ARRB1: variants seen among roughly 807,000 people sequenced by gnomAD.
The protein encoded by ARRB1 is beta-arrestin-1.
In ARRB1, 21 loss-of-function variants were observed where a neutral mutation model predicts 56.8. The observed-to-expected ratio is 0.37, with a 90% CI of 0.26 to 0.53. The LOEUF is 0.53. Among genes scored for constraint, ARRB1 ranks in the 20% least tolerant of loss-of-function variants. The pLI is 0.88. For missense variants in ARRB1, 424 were observed against 553.7 expected (o/e 0.77, Z 2.35); for synonymous variants, 210 against 218.6 (o/e 0.96, Z 0.35).
chr11:75,296,266 T>TA (rs1946748505), intron 1 of ARRB1, among the ~76,000 whole-genome samples: 1 of 151,648 alleles, frequency 6.6e-6, no homozygotes, highest in Non-Finnish European at 1.5e-5. Context: ...AATTACAATG[T>TA]AAAATGAATT....
At chr11:75,277,475 T>G (rs2140414990) in intron 8 of ARRB1, 27 bp from the exon 9 acceptor site, 79 of 1,601,404 alleles carry the variant, frequency 4.9e-5, no homozygotes, top group Middle Eastern at 1.7e-4. Flanking sequence ...GGGACGGGGT[T>G]GGCTGGGAGG....
In ARRB1 at chr11:75,283,353, G is replaced by A. The variant is rs758930690; in HGVS notation, c.288C>T (p.Pro96=). 7 of 1,614,168 alleles carry A rather than the reference G, an allele frequency of 4.3e-6. No individual in the cohort carries two copies. The South Asian group carries it at 7.7e-5, about 18-fold the overall frequency. The change falls in exon 5 of 16, where the codon CCC becomes CCT. Residue 96 remains proline (P), a synonymous_variant. Coordinates refer to ENST00000420843, the MANE Select transcript of ARRB1 (RefSeq NM_004041.5). ...SFPPAPEDKK[P]LTRLQERLIK... is the part of the protein sequence containing the mutation. The stretch of plus-strand genomic sequence containing the variant: ...TGAGGCGTTCCTGCAGCCGCGTCAG[G>A]GGCTTCTTGTCCTCGGGGGCCGGTG...
At position 75,264,757 on chromosome 11, in the gene ARRB1, C is replaced by A. The variant is rs1351029648; in HGVS notation, c.*1406G>T. On this transcript the variant is annotated 3_prime_UTR_variant, in exon 16 of 16. Coordinates refer to ENST00000420843, the MANE Select transcript of ARRB1 (RefSeq NM_004041.5). ...CCATTGTGATCATCTGGTCAAACTC[C>A]TTGCTTTCCCAAGTGAGAAACTGAG... 1 of 152,244 alleles carries A rather than the reference C, an allele frequency of 6.6e-6. No homozygotes were observed. Among genetic ancestry groups the A allele is most frequent in the Non-Finnish European group, 1.5e-5 (1 of 68,052 alleles). 9.4% of individuals were successfully genotyped at this position (152,244 alleles called of 1,614,324 possible).
intron 1 of ARRB1, among the ~76,000 whole-genome samples, chr11:75,297,900 G>A (rs374250082): frequency 0.011 from 1,148 of 102,306 alleles, 19 homozygotes; most frequent in African/African-American, 0.039. Context: ...AAATTAAATG[G>A]ACCAAAGACC....
intron 1 of ARRB1, among the ~76,000 whole-genome samples, chr11:75,302,238 A>C (rs923374171): frequency 9.2e-5 from 14 of 152,106 alleles, no homozygotes; most frequent in African/African-American, 3.4e-4. Flanking sequence ...TGGGCTGCAG[A>C]CTTCCCACAG....
At chr11:75,324,254 G>A (rs994964023) in intron 1 of ARRB1, among the ~76,000 whole-genome samples, 7 of 152,226 alleles carry the variant, frequency 4.6e-5, no homozygotes, top group African/African-American at 1.7e-4. Flanking sequence ...GGGGAACATA[G>A]CACCAGCATC....
chr11:75,325,575 A>G (rs1947417284), intron 1 of ARRB1, among the ~76,000 whole-genome samples: 1 of 152,210 alleles, frequency 6.6e-6, no homozygotes, highest in African/African-American at 2.4e-5. Context: ...TACCTGCCTC[A>G]GCCTCCCAAA....
chr11:75,293,677 G>A (rs997673054), intron 1 of ARRB1, among the ~76,000 whole-genome samples: 5 of 152,164 alleles, frequency 3.3e-5, no homozygotes, highest in Non-Finnish European at 7.3e-5. Flanking sequence ...AGGCTCAGTG[G>A]AGACAAGGAA....
chr11:75,306,425 C>T (rs1055558590), intron 1 of ARRB1: 5 of 490,578 alleles, frequency 1.0e-5, no homozygotes, highest in African/African-American at 7.9e-5. Context: ...TTCTCCATCC[C>T]CACCTATGCC....
chr11:75,284,495 C>CT lies in ARRB1; in HGVS notation c.113-217dup, dbSNP rs34004448. ...CCAGTATAACAGACCCAGCTGGTGA[C>CT]TTTAGGCAGGTTAGAGACCATTTCT... On this transcript the variant is annotated intron_variant, in intron 3 of 15. Transcript: ENST00000420843. Among the ~76,000 whole-genome samples, 684 of 152,306 alleles carry CT rather than the reference C, an allele frequency of 4.5e-3. 7 individuals carry two copies. The highest frequency in any genetic ancestry group is 0.016 in the African/African-American group (651 of 41,562).
intron 1 of ARRB1, among the ~76,000 whole-genome samples, chr11:75,294,845 AAGTGCT>A (rs1433140495): frequency 5.3e-5 from 8 of 152,122 alleles, no homozygotes; most frequent in Non-Finnish European, 5.9e-5. Context: ...AGGTAGATTT[AAGTGCT>A]GGTGCTTGAT....
At chr11:75,277,230 C>T in intron 9 of ARRB1, 134 bp downstream of exon 9, 1 of 952,772 alleles carries the variant, frequency 1.0e-6, no homozygotes, top group South Asian at 1.5e-5. Flanking sequence ...TGCCCTGTGG[C>T]TCAGAGCAGG....
In ARRB1 at chr11:75,292,886, G is replaced by A. The variant is rs149102158; in HGVS notation, c.21-2847C>T. On this transcript the variant is annotated intron_variant, in intron 1 of 15. Coordinates refer to ENST00000420843, the MANE Select transcript of ARRB1 (RefSeq NM_004041.5). ...TAATTAGCTCAAGGCTCAGAGAGAC[G>A]CAGTAATTTCCCCAAGAACACACAG... 3.2e-3 allele frequency among the ~76,000 whole-genome samples: 492 copies of A among 152,224 alleles called. 8 individuals are homozygous for A. Among genetic ancestry groups the A allele is most frequent in the African/African-American group, 0.012 (479 of 41,478 alleles).
Position 75,344,936 on chromosome 11 carries a change from G to A in ARRB1, c.20+6652C>T, listed in dbSNP as rs984031859. On this transcript the variant is annotated intron_variant, in intron 1 of 15. Coordinates refer to ENST00000420843, the MANE Select transcript of ARRB1 (RefSeq NM_004041.5). Reference sequence around the variant, plus strand: ...TCCTGCCTCATCCAGGCCCATACACGGGCTGTTGAACCACTGAATGGTTCA... The same window carrying A: ...TCCTGCCTCATCCAGGCCCATACACAGGCTGTTGAACCACTGAATGGTTCA... Among the ~76,000 whole-genome samples, 9 of 152,256 alleles carry A rather than the reference G, an allele frequency of 5.9e-5. No homozygotes were observed. The South Asian group carries it at 6.2e-4, about 11-fold the overall frequency.
In ARRB1 at chr11:75,294,499, G is replaced by GT. The variant is rs1946680693; in HGVS notation, c.21-4461dup. 2.6e-5 allele frequency among the ~76,000 whole-genome samples: 4 copies of GT among 152,062 alleles called. No homozygotes were observed. The South Asian group carries it at 8.3e-4, about 32-fold the overall frequency. On this transcript the variant is annotated intron_variant, in intron 1 of 15. Coordinates refer to ENST00000420843, the MANE Select transcript of ARRB1 (RefSeq NM_004041.5). ...TTCAACCAGGGAGGCGGAAGTTGCA[G>GT]TGAGCTGAGATCATGTGACTTCACT...
intron 1 of ARRB1, among the ~76,000 whole-genome samples, chr11:75,327,346 T>G (rs1947454943): frequency 6.6e-6 from 1 of 151,538 alleles, no homozygotes; most frequent in South Asian, 2.1e-4. Flanking sequence ...AAAATGTATT[T>G]TTTTGAAACA....
chr11:75,280,930 A>G, intron 7 of ARRB1, 145 bp downstream of exon 7: 1 of 952,544 alleles, frequency 1.0e-6, no homozygotes, highest in South Asian at 1.6e-5. Context: ...GTGACCTCCC[A>G]GCTTCCAGAG....
intron 1 of ARRB1, among the ~76,000 whole-genome samples, chr11:75,320,740 G>C (rs762308631): frequency 2.0e-5 from 3 of 152,176 alleles, no homozygotes; most frequent in Non-Finnish European, 2.9e-5. Context: ...ACATTGTAGA[G>C]TAAAATTCAT....
intron 1 of ARRB1, among the ~76,000 whole-genome samples, chr11:75,291,240 G>A (rs1946606231): frequency 6.6e-6 from 1 of 152,112 alleles, no homozygotes. Flanking sequence ...GGGAGGCTGA[G>A]GTAGAATTGC....
Sources: allele counts gnomAD v4.1 joint callset (sites outside exome capture counted in the v4.1 genomes callset), GRCh38; gene constraint gnomAD v4.1.1; transcripts MANE v1.5; gene names NCBI Gene and HGNC (gene_info 2026-07-23, HGNC 2026-07-21).